Variants in TRAPPC9 observed in about 807,000 individuals in gnomAD.
The protein encoded by TRAPPC9 is IKK2 binding protein.
In TRAPPC9, 83 loss-of-function variants were observed where a neutral mutation model predicts 124.0. That is an observed-to-expected ratio of 0.67 (90% confidence interval 0.56 to 0.80). TRAPPC9 has a LOEUF of 0.80. Among genes scored for constraint, TRAPPC9 ranks in the 30% least tolerant of loss-of-function variants. The pLI, the probability that TRAPPC9 is intolerant of heterozygous loss-of-function variation, is 0.00. For synonymous variants in TRAPPC9, 638 were observed against 617.5 expected (o/e 1.03, Z -0.49); for missense variants, 1,302 against 1,508.3 (o/e 0.86, Z 2.27).
intron 19 of TRAPPC9, among the ~76,000 whole-genome samples, chr8:139,926,828 T>C (rs1309998288): frequency 6.6e-6 from 1 of 151,986 alleles, no homozygotes; most frequent in East Asian, 1.9e-4. Context: ...AAAGAAAATA[T>C]TGAGAAACTA....
intron 19 of TRAPPC9, among the ~76,000 whole-genome samples, chr8:139,917,171 T>TTTTTTTTA (rs1380559818): frequency 1.5e-5 from 2 of 132,856 alleles, no homozygotes; most frequent in African/African-American, 6.1e-5. Flanking sequence ...TATTTTCTTT[T>TTTTTTTTA]TTTTTTTTTT....
At chr8:139,945,084 AT>A (rs1444093181) in intron 19 of TRAPPC9, among the ~76,000 whole-genome samples, 1 of 152,206 alleles carries the variant, frequency 6.6e-6, no homozygotes, top group Non-Finnish European at 1.5e-5. Context: ...AGATCATGCC[AT>A]TGTGCTCCAG....
At chr8:140,051,907 A>G (rs1431668865) in intron 17 of TRAPPC9, among the ~76,000 whole-genome samples, 3 of 151,966 alleles carry the variant, frequency 2.0e-5, no homozygotes, top group African/African-American at 7.2e-5. Context: ...TCCAATCCAA[A>G]TGCATCCACT....
intron 19 of TRAPPC9, among the ~76,000 whole-genome samples, chr8:139,935,669 C>CTTTTTTTTTTT (rs377706417): frequency 7.5e-6 from 1 of 132,570 alleles, no homozygotes; most frequent in Non-Finnish European, 1.6e-5. Context: ...TCAGTCTTTG[C>CTTTTTTTTTTT]TTTTTTTTTT....
intron 21 of TRAPPC9, among the ~76,000 whole-genome samples, chr8:139,820,325 C>T (rs1825172407): frequency 2.0e-5 from 3 of 151,984 alleles, no homozygotes; most frequent in African/African-American, 7.2e-5. Flanking sequence ...CGACTACAGG[C>T]ATGCACCACC....
At chr8:140,351,124 C>G (rs977905712) in intron 9 of TRAPPC9, among the ~76,000 whole-genome samples, 1 of 149,296 alleles carries the variant, frequency 6.7e-6, no homozygotes. Context: ...CCGGAACAAC[C>G]GCGTGGGTAG....
rs182894350 is a variant in TRAPPC9, at chr8:139,920,362, A to G, written c.2811-10062T>C. ...GTCTGTCTCAAGCAAAACAAAACAA[A>G]CAAACAAAGATTCTTTACCACTTTT... On this transcript the variant is annotated intron_variant, in intron 19 of 22. Coordinates refer to ENST00000438773, the MANE Select transcript of TRAPPC9 (RefSeq NM_001160372.4). Among the ~76,000 whole-genome samples the G allele has an allele frequency of 5.8e-4, 88 of 152,316 alleles. 1 individual carries two copies. Among genetic ancestry groups the G allele is most frequent in the Non-Finnish European group, 1.2e-4 (8 of 68,012 alleles).
chr8:140,162,001 G>A (rs1276659841), intron 17 of TRAPPC9, among the ~76,000 whole-genome samples: 2 of 152,110 alleles, frequency 1.3e-5, no homozygotes, highest in Non-Finnish European at 2.9e-5. Flanking sequence ...TTTCCCTGAA[G>A]GTGCCTCTGT....
chr8:140,196,056 AT>A (rs941420288), intron 17 of TRAPPC9, among the ~76,000 whole-genome samples: 1 of 57,482 alleles, frequency 1.7e-5, no homozygotes, highest in Non-Finnish European at 3.6e-5. Flanking sequence ...ACATTGAACA[AT>A]TCACATACAG....
At chr8:139,857,866 T>C (rs1048581835) in intron 21 of TRAPPC9, among the ~76,000 whole-genome samples, 8 of 152,240 alleles carry the variant, frequency 5.3e-5, no homozygotes, top group African/African-American at 1.9e-4. Flanking sequence ...TCAGCTGTTA[T>C]TGACAGGTCA....
At chr8:140,284,523 C>T (rs2065430326) in intron 13 of TRAPPC9, among the ~76,000 whole-genome samples, 1 of 151,992 alleles carries the variant, frequency 6.6e-6, no homozygotes, top group Non-Finnish European at 1.5e-5. Context: ...TGTGTATAAG[C>T]ACCATAATTT....
intron 11 of TRAPPC9, among the ~76,000 whole-genome samples, chr8:140,296,955 C>G (rs1181067274): frequency 6.6e-6 from 1 of 152,230 alleles, no homozygotes. Flanking sequence ...GACAGCAAGT[C>G]CGGGGCCAGG....
rs557199101 is a variant in TRAPPC9 at position 140,120,819 on chromosome 8, ACATCCATCCATCCATCCAT to A, written c.2557-96759_2557-96741del. On this transcript the variant is annotated intron_variant, in intron 17 of 22. Transcript: ENST00000438773. ...ATCCATCCATCCATTCATCCATCTA[ACATCCATCCATCCATCCAT>A]CATCCATCCATCCATCCATCCAACA... Among the ~76,000 whole-genome samples, 223 of 143,698 alleles carry A rather than the reference ACATCCATCCATCCATCCAT, an allele frequency of 1.6e-3. 2 individuals are homozygous for A. Among genetic ancestry groups the A allele is most frequent in the Non-Finnish European group, 2.5e-3 (162 of 65,202 alleles). The allele number at this position is 143,698 out of a possible 152,430, so 94.3% of individuals were successfully genotyped here. A position where few individuals can be genotyped will look rare whatever the true frequency, so the allele number is the denominator to read the frequency against.
At chr8:140,206,580 T>C (rs1318444730) in intron 17 of TRAPPC9, among the ~76,000 whole-genome samples, 1 of 152,090 alleles carries the variant, frequency 6.6e-6, no homozygotes, top group African/African-American at 2.4e-5. Context: ...ATTACTCCCT[T>C]ACGGTCTTAA....
At chr8:139,792,010 A>T (rs1338094227) in intron 21 of TRAPPC9, among the ~76,000 whole-genome samples, 2 of 152,102 alleles carry the variant, frequency 1.3e-5, no homozygotes, top group African/African-American at 4.8e-5. Flanking sequence ...GTCACCTCCC[A>T]CAGGGAGCCC....
At chr8:140,202,144 A>C (rs889803998) in intron 17 of TRAPPC9, among the ~76,000 whole-genome samples, 3 of 150,802 alleles carry the variant, frequency 2.0e-5, no homozygotes, top group African/African-American at 7.3e-5. Flanking sequence ...TGGTGAGATA[A>C]AAGCTCATCT....
chr8:140,397,696 C>T lies in TRAPPC9; in HGVS notation c.1058G>A (p.Arg353His), dbSNP rs769602948. The T allele has an allele frequency of 8.1e-6, 13 of 1,614,052 alleles. No individual in the cohort carries two copies. The African/African-American group carries it at 1.2e-4, about 15-fold the overall frequency. ...IELEACIKAV[R>H]VLAIQKRSME... ...GCTCCGTTTCTGAATTGCAAGGACA[C>T]GTACAGCCTTGATGCACGCTTCCAA... The change falls in exon 7 of 23, where the codon CGT becomes CAT. Residue 353 changes from arginine (R) to histidine (H), a missense_variant. Around this residue, in one of 3 missense-constraint regions of TRAPPC9, gnomAD observed 657 missense variants for 811.2 expected, o/e 0.81. Transcript: ENST00000438773.
chr8:139,906,241 G>C (rs1339722836), intron 20 of TRAPPC9, among the ~76,000 whole-genome samples: 2 of 152,218 alleles, frequency 1.3e-5, no homozygotes, highest in Admixed American at 6.5e-5. Context: ...CCAACAACAG[G>C]TCACCCTGTC....
At chr8:140,382,932 C>T (rs112184018) in intron 7 of TRAPPC9, among the ~76,000 whole-genome samples, 7 of 152,194 alleles carry the variant, frequency 4.6e-5, no homozygotes, top group African/African-American at 9.7e-5. Context: ...CAGACTGACA[C>T]CTCACATGGC....
Sources: gnomAD v4.1 joint callset for allele counts (sites outside exome capture counted in the v4.1 genomes callset) on GRCh38, gnomAD v4.1.1 for gene constraint, gnomAD v4.1.1 regional missense constraint, MANE v1.5 for transcripts, NCBI Gene and HGNC (gene_info 2026-07-23, HGNC 2026-07-21) for gene names.